Variants in GAB2 observed in about 807,000 individuals in gnomAD.
GAB2 encodes the protein GRB2 associated binding protein 2, also known as GRB2-associated-binding protein 2.
GAB2 carries 26 observed loss-of-function variants against 65.5 expected under a neutral mutation model. That is an observed-to-expected ratio of 0.40 (90% CI 0.29 to 0.55). GAB2 has a LOEUF of 0.55. Ranked by LOEUF, GAB2 falls within the 20% of genes least tolerant of loss-of-function variation. GAB2 has a pLI of 0.53. For missense variants in GAB2, 884 were observed against 875.8 expected (o/e 1.01, Z -0.12); for synonymous variants, 321 against 329.6 (o/e 0.97, Z 0.28).
At chr11:78,291,294 C>CAAA (rs397848614) in intron 1 of GAB2, among the ~76,000 whole-genome samples, 42 of 103,822 alleles carry the variant, frequency 4.0e-4, no homozygotes, top group African/African-American at 1.3e-3. Context: ...ACTAAAACGA[C>CAAA]AAAAAAAAAA....
intron 1 of GAB2, among the ~76,000 whole-genome samples, chr11:78,379,885 A>G (rs191684562): frequency 6.6e-6 from 1 of 152,380 alleles, no homozygotes; most frequent in Admixed American, 6.5e-5. Context: ...AATACGTGTC[A>G]GTAACCTGAA....
intron 1 of GAB2, among the ~76,000 whole-genome samples, chr11:78,300,792 T>C (rs567883037): frequency 6.6e-6 from 1 of 150,418 alleles, no homozygotes; most frequent in South Asian, 2.1e-4. Flanking sequence ...TCTCCCAGGT[T>C]CAAGCAATTC....
chr11:78,406,001 C>G (rs6592775), intron 1 of GAB2, among the ~76,000 whole-genome samples: 56,154 of 152,098 alleles, frequency 0.37, 12,874 homozygotes, highest in East Asian at 0.79. Context: ...CAAAAACTGA[C>G]TGACAACCTA....
intron 3 of GAB2, among the ~76,000 whole-genome samples, chr11:78,243,423 G>A (rs140557645): frequency 0.011 from 1,718 of 152,148 alleles, 30 homozygotes; most frequent in African/African-American, 0.032. Flanking sequence ...AGCCAAAATC[G>A]CGCAGCTGCA....
At chr11:78,416,261 T>A (rs534068632) in intron 1 of GAB2, among the ~76,000 whole-genome samples, 1 of 152,326 alleles carries the variant, frequency 6.6e-6, no homozygotes, top group East Asian at 1.9e-4. Flanking sequence ...CTTTCAAAAC[T>A]CATGTGCTAA....
intron 1 of GAB2, among the ~76,000 whole-genome samples, chr11:78,300,695 G>GGTT (rs1554985600): frequency 1.8e-5 from 2 of 113,256 alleles, no homozygotes; most frequent in East Asian, 2.9e-4. Flanking sequence ...GTTTTTTTTT[G>GGTT]TTTTTTTTTT....
In GAB2 at chr11:78,226,936, G is replaced by C; in HGVS notation, c.736C>G (p.His246Asp). The C allele has an allele frequency of 6.2e-7, 1 of 1,613,828 alleles. No individual in the cohort carries two copies. The change falls in exon 4 of 10, where the codon CAT becomes GAT. Residue 246 changes from histidine (H) to aspartate (D), a missense_variant. Physicochemically the swap from His to Asp is moderately conservative, Grantham distance 81. Coordinates refer to ENST00000361507, the MANE Select transcript of GAB2 (RefSeq NM_080491.3). ...HCVNGISGQV[H>D]GFYSLPKPSR... The stretch of plus-strand genomic sequence containing the variant: ...GGCTTGGGAAGGCTATAGAAGCCAT[G>C]GACTTGACCACTGATCCCGTTGACA...
At chr11:78,259,996 T>C (rs996378733) in intron 2 of GAB2, among the ~76,000 whole-genome samples, 6 of 152,246 alleles carry the variant, frequency 3.9e-5, no homozygotes, top group Non-Finnish European at 7.3e-5. Context: ...GTTTTGAGTT[T>C]ATAGTATCAC....
At chr11:78,316,769 T>C (rs1327428786) in intron 1 of GAB2, among the ~76,000 whole-genome samples, 1 of 152,166 alleles carries the variant, frequency 6.6e-6, no homozygotes. Context: ...TATGATCCAG[T>C]AATTCTACTT....
chr11:78,260,330 GA>G (rs1180028346), intron 2 of GAB2, among the ~76,000 whole-genome samples: 1 of 152,202 alleles, frequency 6.6e-6, no homozygotes, highest in Non-Finnish European at 1.5e-5. Context: ...AGGCAAAGAG[GA>G]AAGAGAGCGA....
chr11:78,372,727 C>T (rs978145528), intron 1 of GAB2, among the ~76,000 whole-genome samples: 7 of 152,076 alleles, frequency 4.6e-5, no homozygotes, highest in South Asian at 2.1e-4. Flanking sequence ...TCAATGGATA[C>T]GAGAAGAAAT....
rs1317972764 is a variant in GAB2, at chr11:78,226,940, T to C, written c.732A>G (p.Gln244=). Residue 244 remains glutamine, a synonymous_variant, in exon 4 of 10, where the codon CAA becomes CAG. Coordinates refer to ENST00000361507, the MANE Select transcript of GAB2 (RefSeq NM_080491.3). ...TGGGAAGGCTATAGAAGCCATGGACTTGACCACTGATCCCGTTGACACAGT... is the reference window on the plus strand; with the variant it reads ...TGGGAAGGCTATAGAAGCCATGGACCTGACCACTGATCCCGTTGACACAGT... ...NGHCVNGISG[Q]VHGFYSLPKP... 1 of 1,613,868 alleles carries C rather than the reference T, an allele frequency of 6.2e-7. No homozygotes were observed.
intron 1 of GAB2, among the ~76,000 whole-genome samples, chr11:78,337,015 C>T (rs2134685828): frequency 6.6e-6 from 1 of 152,274 alleles, no homozygotes; most frequent in African/African-American, 2.4e-5. Flanking sequence ...CCAGCATCTA[C>T]CTACCTTTGA....
At chr11:78,315,253 C>T (rs1434991135) in intron 1 of GAB2, among the ~76,000 whole-genome samples, 1 of 152,180 alleles carries the variant, frequency 6.6e-6, no homozygotes, top group Non-Finnish European at 1.5e-5. Context: ...CTATTCCCCT[C>T]TTCTTCTCGC....
At chr11:78,414,085 C>CT (rs1468434200) in intron 1 of GAB2, among the ~76,000 whole-genome samples, 1 of 101,034 alleles carries the variant, frequency 9.9e-6, no homozygotes, top group Non-Finnish European at 1.9e-5. Flanking sequence ...GAAACTCTGT[C>CT]TCAAAAAAAA....
chr11:78,409,320 CAT>C (rs1238708444), intron 1 of GAB2, among the ~76,000 whole-genome samples: 1 of 152,114 alleles, frequency 6.6e-6, no homozygotes, highest in African/African-American at 2.4e-5. Flanking sequence ...TGCGGTGGCT[CAT>C]GTCTGTAATC....
At chr11:78,330,184 A>C (rs569241250) in intron 1 of GAB2, among the ~76,000 whole-genome samples, 5 of 152,160 alleles carry the variant, frequency 3.3e-5, no homozygotes, top group Non-Finnish European at 5.9e-5. Context: ...GTGTCCTAGG[A>C]GGTCACCTAT....
At chr11:78,294,134 G>A (rs983355949) in intron 1 of GAB2, among the ~76,000 whole-genome samples, 3 of 152,034 alleles carry the variant, frequency 2.0e-5, no homozygotes, top group African/African-American at 7.2e-5. Flanking sequence ...TGTTCTCATT[G>A]TTCAATTCCC....
chr11:78,275,446 C>A (rs542894012), intron 2 of GAB2, among the ~76,000 whole-genome samples: 20 of 150,454 alleles, frequency 1.3e-4, no homozygotes, highest in African/African-American at 5.0e-4. Flanking sequence ...AAAAAAAAAA[C>A]ACTGAATGAA....
Sources: gnomAD v4.1 joint callset for allele counts (sites outside exome capture counted in the v4.1 genomes callset) on GRCh38, gnomAD v4.1.1 for gene constraint, MANE v1.5 for transcripts, NCBI Gene and HGNC (gene_info 2026-07-23, HGNC 2026-07-21) for gene names.